Variants in UBE2R2 observed in about 807,000 individuals in gnomAD.
UBE2R2 encodes the protein ubiquitin conjugating enzyme E2 R2, also known as ubiquitin-conjugating enzyme E2 R2.
A neutral mutation model predicts 27.8 loss-of-function variants in UBE2R2; 1 was observed. The observed-to-expected ratio is 0.04, with a 90% CI of 0.01 to 0.17. UBE2R2 has a LOEUF of 0.17. UBE2R2 is among the 10% of genes least tolerant of loss of function. The pLI, the probability that UBE2R2 is intolerant of heterozygous loss-of-function variation, is 1.00. For missense variants in UBE2R2, 100 were observed against 291.0 expected, an observed-to-expected ratio of 0.34 and a Z score of 4.78; for synonymous variants, 106 against 113.3, an observed-to-expected ratio of 0.94 and a Z score of 0.41.
At chr9:33,847,241 C>T (rs527435906) in intron 1 of UBE2R2, among the ~76,000 whole-genome samples, 19 of 152,120 alleles carry the variant, frequency 1.2e-4, no homozygotes, top group African/African-American at 4.3e-4. Flanking sequence ...GGATTACAGG[C>T]ATGCGCCACC....
At chr9:33,875,093 G>A (rs1194803013) in intron 1 of UBE2R2, among the ~76,000 whole-genome samples, 12 of 151,506 alleles carry the variant, frequency 7.9e-5, no homozygotes, top group Admixed American at 4.6e-4. Context: ...GATTACAGGC[G>A]TGAGCCACTG....
upstream of UBE2R2, among the ~76,000 whole-genome samples, chr9:33,816,857 C>G (rs1443907006): frequency 2.0e-5 from 3 of 152,256 alleles, no homozygotes; most frequent in Non-Finnish European, 4.4e-5. Flanking sequence ...CTGCGGCGTC[C>G]AGCCGCACAA....
At chr9:33,874,040 C>T (rs1348563642) in intron 1 of UBE2R2, among the ~76,000 whole-genome samples, 2 of 151,778 alleles carry the variant, frequency 1.3e-5, no homozygotes, top group Non-Finnish European at 2.9e-5. Context: ...CTCTGCTTCC[C>T]GAGTTCAAGC....
upstream of UBE2R2, among the ~76,000 whole-genome samples, chr9:33,816,950 G>A (rs1385172194): frequency 6.6e-6 from 1 of 151,848 alleles, no homozygotes; most frequent in Admixed American, 6.6e-5. Flanking sequence ...GGGGACACGC[G>A]CCAGCGTCAC....
At chr9:33,874,014 C>T (rs1441095767) in intron 1 of UBE2R2, among the ~76,000 whole-genome samples, 1 of 149,876 alleles carries the variant, frequency 6.7e-6, no homozygotes, top group East Asian at 2.0e-4. Context: ...GTGGCACGAT[C>T]TCCGCTCACT....
chr9:33,864,519 C>A (rs484194), intron 1 of UBE2R2, among the ~76,000 whole-genome samples: 6,066 of 152,178 alleles, frequency 0.04, 270 homozygotes, highest in African/African-American at 0.099. Context: ...CTTTTCAACT[C>A]TTCTGGAATT....
Position 33,894,195 on chromosome 9 carries a change from G to T in UBE2R2, c.265-5979G>T, listed in dbSNP as rs891997169. Among the ~76,000 whole-genome samples the T allele has an allele frequency of 2.0e-5, 3 of 152,098 alleles. No homozygotes were observed. In the East Asian group the frequency reaches 5.8e-4, roughly 29 times the overall value. ...ATCTGTAATTTCAGCACTTTTAAAG[G>T]CCAAGGCAGGAGGATTGCTTGAGGC... is the stretch of plus-strand genomic sequence containing the variant. On this transcript the variant is annotated intron_variant, in intron 2 of 4. Coordinates refer to ENST00000263228, the MANE Select transcript of UBE2R2 (RefSeq NM_017811.4).
chr9:33,912,313 AT>A (rs2130822148), intron 4 of UBE2R2, among the ~76,000 whole-genome samples: 1 of 152,072 alleles, frequency 6.6e-6, no homozygotes, highest in African/African-American at 2.4e-5. Context: ...AGCAGACCTG[AT>A]TTTCTAGGAA....
chr9:33,847,776 G>T (rs1209623988), intron 1 of UBE2R2, among the ~76,000 whole-genome samples: 1 of 142,418 alleles, frequency 7.0e-6, no homozygotes, highest in Non-Finnish European at 1.5e-5. Flanking sequence ...TTTTGAGACG[G>T]AGTTTTGCTC....
At chr9:33,856,815 T>TTCCA (rs912833024) in intron 1 of UBE2R2, among the ~76,000 whole-genome samples, 1 of 148,720 alleles carries the variant, frequency 6.7e-6, no homozygotes, top group Admixed American at 6.7e-5. Context: ...CCTTCCGTCC[T>TTCCA]TCCATCCATC....
At chr9:33,904,774 G>A (rs1822316599) in intron 3 of UBE2R2, among the ~76,000 whole-genome samples, 1 of 152,182 alleles carries the variant, frequency 6.6e-6, no homozygotes, top group African/African-American at 2.4e-5. Flanking sequence ...AACATCCACA[G>A]GCCTCCTCCT....
chr9:33,837,332 T>C (rs1749268), intron 1 of UBE2R2, among the ~76,000 whole-genome samples: 92,938 of 151,230 alleles, frequency 0.61, 28,635 homozygotes, highest in East Asian at 0.78. Context: ...GATATTCTTA[T>C]CTCAGCCCCG....
At chr9:33,916,225 C>T (rs1822638040) in intron 4 of UBE2R2, among the ~76,000 whole-genome samples, 1 of 152,104 alleles carries the variant, frequency 6.6e-6, no homozygotes, top group African/African-American at 2.4e-5. Flanking sequence ...CCTGTAATCT[C>T]AGCTACTTGG....
chr9:33,914,564 G>A (rs571779830), intron 4 of UBE2R2, among the ~76,000 whole-genome samples: 1 of 152,268 alleles, frequency 6.6e-6, no homozygotes, highest in East Asian at 1.9e-4. Flanking sequence ...GCCTGGTGTG[G>A]TAGCTCACAC....
At chr9:33,891,642 T>C (rs1393073019) in intron 2 of UBE2R2, among the ~76,000 whole-genome samples, 2 of 151,990 alleles carry the variant, frequency 1.3e-5, no homozygotes, top group Admixed American at 1.3e-4. Flanking sequence ...GTGAGACTCC[T>C]GTCTCAAAAA....
chr9:33,861,103 C>T (rs985886226), intron 1 of UBE2R2, among the ~76,000 whole-genome samples: 14 of 151,478 alleles, frequency 9.2e-5, no homozygotes, highest in African/African-American at 2.9e-4. Context: ...GGACTACAGG[C>T]GCCCGCCACC....
intron 3 of UBE2R2, among the ~76,000 whole-genome samples, chr9:33,911,741 A>G (rs1057439670): frequency 4.6e-5 from 7 of 152,110 alleles, no homozygotes; most frequent in Non-Finnish European, 1.5e-5. Context: ...CTTGTTTCTT[A>G]GTGCTGAAAA....
intron 1 of UBE2R2, among the ~76,000 whole-genome samples, chr9:33,867,825 A>G (rs1168719011): frequency 1.3e-5 from 2 of 152,276 alleles, no homozygotes; most frequent in African/African-American, 4.8e-5. Context: ...AGGCTGAGGC[A>G]GGAGAATTGC....
chr9:33,816,081 A>T (rs73487014), upstream of UBE2R2, among the ~76,000 whole-genome samples: 522 of 152,268 alleles, frequency 3.4e-3, 7 homozygotes, highest in African/African-American at 0.012. Context: ...CTCAAACAAA[A>T]CAAAACCAAA....
Sources: allele counts gnomAD v4.1 joint callset (sites outside exome capture counted in the v4.1 genomes callset), GRCh38; gene constraint gnomAD v4.1.1; transcripts MANE v1.5; gene names NCBI Gene and HGNC (gene_info 2026-07-23, HGNC 2026-07-21).